The following MIB1 variants were observed in gnomAD, a reference collection of about 807,000 sequenced individuals.
MIB1 encodes the protein MIB E3 ubiquitin protein ligase 1, also known as E3 ubiquitin-protein ligase MIB1.
MIB1 carries 278 observed loss-of-function variants against 124.5 expected under a neutral mutation model. The observed-to-expected ratio is 2.23, with a 90% CI of 2.02 to 2.47. The LOEUF is 2.47. Ranked by LOEUF, MIB1 falls within the 30% of genes most tolerant of loss-of-function variation. The probability of loss-of-function intolerance (pLI) is 0.00; values close to 1 mark genes in which losing one functional copy is unlikely to be tolerated. For missense variants in MIB1, 957 were observed against 1,254.4 expected (o/e 0.76, Z 3.58); for synonymous variants, 446 against 429.4 (o/e 1.04, Z -0.48).
Position 21,798,226 on chromosome 18 carries a change from G to A in MIB1, c.1235G>A (p.Gly412Asp), listed in dbSNP as rs369898115. Residue 412 changes from glycine (G) to aspartate (D), a missense_variant and splice_region_variant, in exon 8 of 21, where the codon GGT (glycine) becomes GAT (aspartate). By Grantham distance (94) the Gly-to-Asp change is moderately conservative. Transcript: ENST00000261537. ...GGATCAGCCATTAGCAATGCATCTGGTGGTATGTTTTATATTGTGTTTCTT... is the reference window on the plus strand; with the variant it reads ...GGATCAGCCATTAGCAATGCATCTGATGGTATGTTTTATATTGTGTTTCTT... Reference protein sequence around the residue: ...SAGSAISNASGERLSQLLKKL... With the variant: ...SAGSAISNASDERLSQLLKKL... 2 of 1,612,662 alleles carry A rather than the reference G, an allele frequency of 1.2e-6. No homozygotes were observed. The highest frequency in any genetic ancestry group is 1.3e-5 in the African/African-American group (1 of 74,834).
At position 21,741,529 on chromosome 18, in the gene MIB1, G is replaced by GGCGGCA; in HGVS notation, c.-49_-44dup. 4.2e-6 allele frequency: 5 copies of GGCGGCA among 1,181,042 alleles called. No individual in the cohort carries two copies. Among genetic ancestry groups the GGCGGCA allele is most frequent in the Admixed American group, 4.9e-5 (1 of 20,316 alleles). The allele number at this position is 1,181,042 out of a possible 1,614,324, so 73.2% of individuals were successfully genotyped here. A position where few individuals can be genotyped will look rare whatever the true frequency, so the allele number is the denominator to read the frequency against. On this transcript the variant is annotated 5_prime_UTR_variant, in exon 1 of 21. Transcript: ENST00000261537. The surrounding 1 kb of genome is among the most constrained non-coding windows in gnomAD (Gnocchi z 5.4). ...GGCCCAACTCCCTCACGGGCCCCCC[G>GGCGGCA]GCGGCAGCGGCGGCGGCGGCGGCGG...
At chr18:21,835,599 C>T (rs994332347) in intron 12 of MIB1, among the ~76,000 whole-genome samples, 1 of 151,602 alleles carries the variant, frequency 6.6e-6, no homozygotes, top group Non-Finnish European at 1.5e-5. Flanking sequence ...AACCCTGTCT[C>T]TACTAAAAAT....
At position 21,866,331 on chromosome 18, in the gene MIB1, A is replaced by T. The variant is rs2042320993; in HGVS notation, c.*1665A>T. The T allele has an allele frequency of 2.0e-5, 3 of 152,186 alleles. No homozygotes were observed. Among genetic ancestry groups the T allele is most frequent in the Admixed American group, 2.0e-4 (3 of 15,272 alleles). 9.4% of individuals were successfully genotyped at this position (152,186 alleles called of 1,614,324 possible). A position where few individuals can be genotyped will look rare whatever the true frequency, so the allele number is the denominator to read the frequency against. ...AGCTGAGTAACTGCTATCATTTAGA[A>T]CAGTAAAATTTTTATAGATTTCAAA... On this transcript the variant is annotated 3_prime_UTR_variant, in exon 21 of 21. Transcript: ENST00000261537.
chr18:21,821,568 T>C (rs1380623097), intron 12 of MIB1, among the ~76,000 whole-genome samples: 4 of 152,050 alleles, frequency 2.6e-5, no homozygotes, highest in Non-Finnish European at 5.9e-5. Flanking sequence ...TGCTCTATAC[T>C]TCCTTGTTCT....
At chr18:21,838,664 T>C in intron 13 of MIB1, among the ~76,000 whole-genome samples, 167 bp downstream of exon 13, 1 of 152,222 alleles carries the variant, frequency 6.6e-6, no homozygotes, top group Admixed American at 6.5e-5. Flanking sequence ...TTCTGCCTAA[T>C]ACTTCTTAAA....
chr18:21,738,654 C>A (rs535161299), upstream of MIB1, among the ~76,000 whole-genome samples: 1 of 150,690 alleles, frequency 6.6e-6, no homozygotes, highest in African/African-American at 2.4e-5. Context: ...AAAAATACAA[C>A]AAATTAGCTG....
intron 1 of MIB1, among the ~76,000 whole-genome samples, chr18:21,726,655 C>T (rs2040743469): frequency 6.6e-6 from 1 of 152,106 alleles, no homozygotes; most frequent in Non-Finnish European, 1.5e-5. Context: ...TAACCTTGAC[C>T]AAGCTACTTG....
chr18:21,853,146 G>T lies in MIB1; in HGVS notation c.2593G>T (p.Glu865Ter). 1 of 1,611,424 alleles carries T rather than the reference G, an allele frequency of 6.2e-7. No individual in the cohort carries two copies. Among genetic ancestry groups the T allele is most frequent in the Non-Finnish European group, 8.5e-7 (1 of 1,177,770 alleles). The stretch of plus-strand genomic sequence containing the variant: ...GTAACCTCTTTTTCTATAGATTGAA[G>T]AATGTGTGGTATGCTCTGACAAGAA... ...EQVQSRTKIEECVVCSDKKAA... is the reference protein window; with the variant it reads ...EQVQSRTKIE Residue 865 changes from glutamate to a stop codon, truncating the protein, a stop_gained, in exon 18 of 21, where the codon GAA (glutamate) becomes TAA (stop). Coordinates refer to ENST00000261537, the MANE Select transcript of MIB1 (RefSeq NM_020774.4). LOFTEE classifies it high-confidence loss of function.
intron 12 of MIB1, among the ~76,000 whole-genome samples, chr18:21,834,337 TTAAGA>T (rs1195981468): frequency 6.6e-6 from 1 of 152,080 alleles, no homozygotes; most frequent in Non-Finnish European, 1.5e-5. Context: ...CAATTTTTGA[TTAAGA>T]TGAGAGGGCT....
At chr18:21,816,860 G>A in intron 11 of MIB1, among the ~76,000 whole-genome samples, 1 of 152,086 alleles carries the variant, frequency 6.6e-6, no homozygotes, top group Admixed American at 6.6e-5. Context: ...CCTTGTAAGT[G>A]GGAGGCAGGA....
chr18:21,847,177 T>C lies in MIB1; in HGVS notation c.2393+52T>C, dbSNP rs376344059. ...TTAATATTCTGTACAGAAAATATCA[T>C]GTGGTTTCGTAATGGAGGACGTGGC... On this transcript the variant is annotated intron_variant, in intron 16 of 20. Transcript: ENST00000261537. The C allele has an allele frequency of 1.7e-5, 25 of 1,474,470 alleles. No homozygotes were observed. In the African/African-American group the frequency reaches 2.9e-4, roughly 17 times the overall value. 91.3% of individuals were successfully genotyped at this position (1,474,470 alleles called of 1,614,324 possible).
At chr18:21,854,222 G>A (rs1688892218) in intron 18 of MIB1, among the ~76,000 whole-genome samples, 1 of 152,092 alleles carries the variant, frequency 6.6e-6, no homozygotes, top group South Asian at 2.1e-4. Context: ...AGTTTTCATA[G>A]GCCAGAGGTT....
intron 12 of MIB1, among the ~76,000 whole-genome samples, chr18:21,836,838 T>C (rs986065657): frequency 6.6e-6 from 1 of 152,230 alleles, no homozygotes; most frequent in African/African-American, 2.4e-5. Context: ...ATTAACATCA[T>C]GACTATCCAA....
At chr18:21,729,351 C>G (rs1206796203) in intron 1 of MIB1, among the ~76,000 whole-genome samples, 2 of 152,094 alleles carry the variant, frequency 1.3e-5, no homozygotes, top group Non-Finnish European at 1.5e-5. Flanking sequence ...GTTCTGGAGG[C>G]TTAGAGGTCC....
At position 21,753,969 on chromosome 18, in the gene MIB1, C is replaced by T. The variant is rs1290781881; in HGVS notation, c.230-11803C>T. On this transcript the variant is annotated intron_variant, in intron 1 of 20. Coordinates refer to ENST00000261537, the MANE Select transcript of MIB1 (RefSeq NM_020774.4). Reference sequence around the variant, plus strand: ...CTGGGATTACAGGTGTGAGCCATGGCGCCTGGCCAAAAAGTGCATTTCTGA... The same window carrying T: ...CTGGGATTACAGGTGTGAGCCATGGTGCCTGGCCAAAAAGTGCATTTCTGA... Among the ~76,000 whole-genome samples, 6 of 152,268 alleles carry T rather than the reference C, an allele frequency of 3.9e-5. No homozygotes were observed. In the South Asian group the frequency reaches 8.3e-4, roughly 21 times the overall value.
chr18:21,767,737 C>G (rs2041178935), intron 2 of MIB1, among the ~76,000 whole-genome samples: 1 of 152,128 alleles, frequency 6.6e-6, no homozygotes, highest in African/African-American at 2.4e-5. Context: ...TTAGTAGAGA[C>G]AGGGTTTCAC....
intron 6 of MIB1, among the ~76,000 whole-genome samples, chr18:21,786,746 T>G (rs567522707): frequency 1.3e-5 from 2 of 152,360 alleles, no homozygotes; most frequent in African/African-American, 2.4e-5. Context: ...CATTTTTCAT[T>G]TCAACAGATA....
intron 6 of MIB1, among the ~76,000 whole-genome samples, chr18:21,785,456 G>A (rs1424035316): frequency 6.6e-6 from 1 of 152,234 alleles, no homozygotes; most frequent in Admixed American, 6.5e-5. Context: ...AACAGGTGAC[G>A]TCTTAACTTT....
Position 21,870,157 on chromosome 18 carries a change from A to G in MIB1, c.*5491A>G, listed in dbSNP as rs1417852547. 6.6e-6 allele frequency: 1 copy of G among 152,574 alleles called. No individual in the cohort carries two copies. The highest frequency in any genetic ancestry group is 2.4e-5 in the African/African-American group (1 of 41,460). 9.5% of individuals were successfully genotyped at this position (152,574 alleles called of 1,614,324 possible). ...CAAACATTTATCGTTAATAAAACCT[A>G]TGGTGTAATATCATATAATGCTTTT... is the stretch of plus-strand genomic sequence containing the variant. On this transcript the variant is annotated 3_prime_UTR_variant, in exon 21 of 21. Coordinates refer to ENST00000261537, the MANE Select transcript of MIB1 (RefSeq NM_020774.4).
Sources: gnomAD v4.1 joint callset for allele counts (sites outside exome capture counted in the v4.1 genomes callset) on GRCh38, gnomAD v4.1.1 for gene constraint, Gnocchi (gnomAD v3.1) non-coding constraint, MANE v1.5 for transcripts, NCBI Gene and HGNC (gene_info 2026-07-23, HGNC 2026-07-21) for gene names.